EFHD2: variants seen among roughly 807,000 people sequenced by gnomAD.
EFHD2 encodes the protein EF-hand domain family member D2.
Under a neutral mutation model 20.3 loss-of-function variants are expected in EFHD2, and 12 were observed. The ratio of observed to expected loss-of-function variants is 0.59; its 90% CI spans 0.38 to 0.96. The LOEUF is 0.96. Among genes scored for constraint, EFHD2 ranks in the 40% least tolerant of loss-of-function variants. The pLI, the probability that EFHD2 is intolerant of heterozygous loss-of-function variation, is 0.00. For synonymous variants in EFHD2, 131 were observed against 143.9 expected (o/e 0.91, Z 0.64); for missense variants, 250 against 334.3 (o/e 0.75, Z 1.97).
At position 15,410,098 on chromosome 1, in the gene EFHD2, G is replaced by GAGGCGGCCGAGGCGCT; in HGVS notation, c.128_143dup (p.Ser50GlyfsTer61). The GAGGCGGCCGAGGCGCT allele has an allele frequency of 6.9e-7, 1 of 1,456,138 alleles. No individual in the cohort carries two copies. The highest frequency in any genetic ancestry group is 9.0e-7 in the Non-Finnish European group (1 of 1,109,440). 90.2% of individuals were successfully genotyped at this position (1,456,138 alleles called of 1,614,324 possible). A position where few individuals can be genotyped will look rare whatever the true frequency, so the allele number is the denominator to read the frequency against. Reference sequence around the variant, plus strand: ...GGCGGCGGCGGCGGGGGCACCCGACGAGGCGGCCGAGGCGCTGGGCAGCGC... The same window carrying GAGGCGGCCGAGGCGCT: ...GGCGGCGGCGGCGGGGGCACCCGACGAGGCGGCCGAGGCGCTAGGCGGCCGAGGCGCTGGGCAGCGC... On this transcript the variant is annotated frameshift_variant, in exon 1 of 4. Transcript: ENST00000375980. LOFTEE classifies it high-confidence loss of function.
At chr1:15,424,898 C>G (rs1406491265) in intron 1 of EFHD2, among the ~76,000 whole-genome samples, 1 of 152,140 alleles carries the variant, frequency 6.6e-6, no homozygotes, top group Non-Finnish European at 1.5e-5. Flanking sequence ...CGTCACATCC[C>G]CTATTCCAGT....
At chr1:15,415,388 C>G (rs1707643973) in intron 1 of EFHD2, among the ~76,000 whole-genome samples, 1 of 152,154 alleles carries the variant, frequency 6.6e-6, no homozygotes, top group South Asian at 2.1e-4. Context: ...TTAAACAGAG[C>G]CACTAGTTCT....
Position 15,429,137 on chromosome 1 carries a change from C to T in EFHD2, c.*413C>T, listed in dbSNP as rs953642406. On this transcript the variant is annotated 3_prime_UTR_variant, in exon 4 of 4. Transcript: ENST00000375980. ...CCTGCCCTCCTCCAGCAGGCCGCACCGCCCCTGGGGCCCCCTGCCAGCCCC... is the reference window on the plus strand; with the variant it reads ...CCTGCCCTCCTCCAGCAGGCCGCACTGCCCCTGGGGCCCCCTGCCAGCCCC... 1.4e-4 allele frequency: 28 copies of T among 199,838 alleles called. No individual in the cohort carries two copies. The highest frequency in any genetic ancestry group is 7.7e-4 in the Admixed American group (14 of 18,202). The allele number at this position is 199,838 out of a possible 1,614,324, so 12.4% of individuals were successfully genotyped here.
In EFHD2 at chr1:15,413,113, G is replaced by T. The variant is rs1032375595; in HGVS notation, c.308+2834G>T. ...GAAGACAAACCCCCGTTCTGCTTCC[G>T]CTGTCCGAGTGGGGCTGCAGCCTCC... On this transcript the variant is annotated intron_variant, in intron 1 of 3. Transcript: ENST00000375980. The surrounding 1 kb of genome is among the most constrained non-coding windows in gnomAD (Gnocchi z 4.4). Among the ~76,000 whole-genome samples, 9 of 152,336 alleles carry T rather than the reference G, an allele frequency of 5.9e-5. No homozygotes were observed. The South Asian group carries it at 1.4e-3, about 25-fold the overall frequency.
chr1:15,410,265 G>A lies in EFHD2; in HGVS notation c.294G>A (p.Glu98=). The A allele has an allele frequency of 6.3e-7, 1 of 1,599,432 alleles. No individual in the cohort carries two copies. Among genetic ancestry groups the A allele is most frequent in the Non-Finnish European group, 8.5e-7 (1 of 1,174,198 alleles). ...CCAGGAAGCAGATCAAGGACATGGA[G>A]AAGATGTTCAAGCAGTAAGTGCCCG... ...EFSRKQIKDM[E]KMFKQYDAGR... is the part of the protein sequence containing the mutation. Residue 98 remains glutamate, a synonymous_variant, in exon 1 of 4, where the codon GAG becomes GAA. Coordinates refer to ENST00000375980, the MANE Select transcript of EFHD2 (RefSeq NM_024329.6).
Position 15,426,574 on chromosome 1 carries a change from G to A in EFHD2, c.456+556G>A, listed in dbSNP as rs1441758667. On this transcript the variant is annotated intron_variant, in intron 2 of 3. Coordinates refer to ENST00000375980, the MANE Select transcript of EFHD2 (RefSeq NM_024329.6). The surrounding 1 kb of genome is among the most constrained non-coding windows in gnomAD (Gnocchi z 4.6). The stretch of plus-strand genomic sequence containing the variant: ...AGCACAGGGTTAGGTGTGGGGACTC[G>A]AGGCCCAACTGGGGCCCAGGAGGTC... Among the ~76,000 whole-genome samples, 2 of 152,154 alleles carry A rather than the reference G, an allele frequency of 1.3e-5. No homozygotes were observed. The highest frequency in any genetic ancestry group is 1.5e-5 in the Non-Finnish European group (1 of 68,028).
At chr1:15,417,497 G>T (rs1451267849) in intron 1 of EFHD2, among the ~76,000 whole-genome samples, 1 of 152,138 alleles carries the variant, frequency 6.6e-6, no homozygotes, top group Non-Finnish European at 1.5e-5. Flanking sequence ...ATTGCTTGGG[G>T]TCTCCCTCTT....
At chr1:15,421,982 C>A (rs1468907722) in intron 1 of EFHD2, among the ~76,000 whole-genome samples, 2 of 151,900 alleles carry the variant, frequency 1.3e-5, no homozygotes, top group East Asian at 3.9e-4. Context: ...GAGTGCTTGA[C>A]AGGGATGGGC....
chr1:15,416,938 T>G (rs765136343), intron 1 of EFHD2, among the ~76,000 whole-genome samples: 6 of 152,008 alleles, frequency 3.9e-5, no homozygotes, highest in Non-Finnish European at 7.4e-5. Flanking sequence ...GCCTCCTGAG[T>G]AGCTGGGACT....
chr1:15,416,186 C>G (rs909538999), intron 1 of EFHD2, among the ~76,000 whole-genome samples: 2 of 152,128 alleles, frequency 1.3e-5, no homozygotes, highest in East Asian at 3.9e-4. Flanking sequence ...TTCCTGCCTT[C>G]TCCGGCTTCC....
At position 15,428,946 on chromosome 1, in the gene EFHD2, G is replaced by C. The variant is rs1393518437; in HGVS notation, c.*222G>C. ...GCCGCCACACCGGCGCTGGCTCCCT[G>C]CCCGGCCCGGCCCTCCCTGGCAATC... is the stretch of plus-strand genomic sequence containing the variant. On this transcript the variant is annotated 3_prime_UTR_variant, in exon 4 of 4. Coordinates refer to ENST00000375980, the MANE Select transcript of EFHD2 (RefSeq NM_024329.6). 1.7e-6 allele frequency: 1 copy of C among 589,478 alleles called. No homozygotes were observed. The highest frequency in any genetic ancestry group is 1.9e-5 in the African/African-American group (1 of 52,938). The allele number at this position is 589,478 out of a possible 1,614,324, so 36.5% of individuals were successfully genotyped here.
chr1:15,412,213 G>A (rs1707542097), intron 1 of EFHD2, among the ~76,000 whole-genome samples: 2 of 151,908 alleles, frequency 1.3e-5, no homozygotes, highest in Admixed American at 6.6e-5. Context: ...GAAGAGTAAC[G>A]TGAATGCTCC....
chr1:15,425,780 T>C, intron 1 of EFHD2, 91 bp from the exon 2 acceptor site: 3 of 1,514,356 alleles, frequency 2.0e-6, no homozygotes, highest in Non-Finnish European at 2.7e-6. Context: ...TGGTAGGAGA[T>C]GCCCTCTGAT....
chr1:15,413,168 C>T lies in EFHD2; in HGVS notation c.308+2889C>T, dbSNP rs955093921. 1.3e-5 allele frequency among the ~76,000 whole-genome samples: 2 copies of T among 152,158 alleles called. No homozygotes were observed. Among genetic ancestry groups the T allele is most frequent in the African/African-American group, 4.8e-5 (2 of 41,434 alleles). On this transcript the variant is annotated intron_variant, in intron 1 of 3. Coordinates refer to ENST00000375980, the MANE Select transcript of EFHD2 (RefSeq NM_024329.6). This position sits in a 1 kb window ranked among gnomAD's most constrained non-coding sequence, Gnocchi z 4.4. ...TCCAAGCAGGGTCCTAGGATCAAAG[C>T]CAGGGCATCAGAGCCAGGGCTCTGG...
chr1:15,420,978 G>A (rs559918939), intron 1 of EFHD2, among the ~76,000 whole-genome samples: 1 of 152,296 alleles, frequency 6.6e-6, no homozygotes, highest in South Asian at 2.1e-4. Flanking sequence ...GTAGATGTTA[G>A]GAATAATAAT....
intron 1 of EFHD2, 120 bp downstream of exon 1, chr1:15,410,399 A>G: frequency 8.1e-7 from 1 of 1,227,882 alleles, no homozygotes; most frequent in South Asian, 1.5e-5. Context: ...GCTTCCCCGA[A>G]CCCAGACGCA....
At chr1:15,425,797 G>C in intron 1 of EFHD2, 74 bp from the exon 2 acceptor site, 1 of 1,550,910 alleles carries the variant, frequency 6.4e-7, no homozygotes, top group South Asian at 1.2e-5. Flanking sequence ...TGATCCCCCA[G>C]TCTCCTTGCA....
Position 15,413,324 on chromosome 1 carries a change from C to A in EFHD2, c.308+3045C>A, listed in dbSNP as rs1707578668. On this transcript the variant is annotated intron_variant, in intron 1 of 3. Coordinates refer to ENST00000375980, the MANE Select transcript of EFHD2 (RefSeq NM_024329.6). This position sits in a 1 kb window ranked among gnomAD's most constrained non-coding sequence, Gnocchi z 4.4. ...TTCCTTGGGGGCCAGGAGCGAGGAA[C>A]CTGGGCTTCCATCCTAGTCTGCTTG... Among the ~76,000 whole-genome samples, 1 of 152,172 alleles carries A rather than the reference C, an allele frequency of 6.6e-6. No individual in the cohort carries two copies. The highest frequency in any genetic ancestry group is 2.4e-5 in the African/African-American group (1 of 41,430).
chr1:15,416,379 C>T (rs1379793603), intron 1 of EFHD2, among the ~76,000 whole-genome samples: 1 of 152,214 alleles, frequency 6.6e-6, no homozygotes, highest in African/African-American at 2.4e-5. Context: ...AAGGTCCCCA[C>T]ACCCTGGAGC....
Sources: gnomAD v4.1 joint callset for allele counts (sites outside exome capture counted in the v4.1 genomes callset) on GRCh38, gnomAD v4.1.1 for gene constraint, Gnocchi (gnomAD v3.1) non-coding constraint, MANE v1.5 for transcripts, NCBI Gene and HGNC (gene_info 2026-07-23, HGNC 2026-07-21) for gene names.